CLEC2B: variants seen among roughly 807,000 people sequenced by gnomAD.
CLEC2B encodes the protein C-type lectin domain family 2 member B.
In CLEC2B, 14 loss-of-function variants were observed where a neutral mutation model predicts 16.2. The observed-to-expected ratio is 0.86, with a 90% CI of 0.57 to 1.35. The LOEUF (loss-of-function observed/expected upper bound fraction) is 1.35. Among genes scored for constraint, CLEC2B ranks in the 40% most tolerant of loss-of-function variants. CLEC2B has a pLI of 0.00. For missense variants in CLEC2B, 166 were observed against 182.3 expected (o/e 0.91, Z 0.52); for synonymous variants, 42 against 55.8 (o/e 0.75, Z 1.10).
At chr12:9,853,966 C>G (rs1322351964) in intron 4 of CLEC2B, among the ~76,000 whole-genome samples, 1 of 152,052 alleles carries the variant, frequency 6.6e-6, no homozygotes, top group Non-Finnish European at 1.5e-5. Flanking sequence ...AAGTCCAGGA[C>G]AAACTGCATA....
chr12:9,857,020 T>C (rs1274026457), intron 3 of CLEC2B: 2 of 153,756 alleles, frequency 1.3e-5, no homozygotes, highest in African/African-American at 4.8e-5. Context: ...AGGAGGAAAT[T>C]TTGATTTTCC....
rs1299599962 is a variant in CLEC2B at position 9,853,257 on chromosome 12, A to G, written c.*43T>C. 7.0e-7 allele frequency: 1 copy of G among 1,430,702 alleles called. No homozygotes were observed. The highest frequency in any genetic ancestry group is 1.7e-5 in the Admixed American group (1 of 58,888). 88.6% of individuals were successfully genotyped at this position (1,430,702 alleles called of 1,614,324 possible). A position where few individuals can be genotyped will look rare whatever the true frequency, so the allele number is the denominator to read the frequency against. ...AAAGTACTTTGCTGGTTTTACACTT[A>G]ATAATGTTATTTTCTATTTTCCCCA... On this transcript the variant is annotated 3_prime_UTR_variant, in exon 5 of 5. Transcript: ENST00000228438.
chr12:9,858,689 T>C (rs976988807), intron 2 of CLEC2B, among the ~76,000 whole-genome samples: 6 of 151,796 alleles, frequency 4.0e-5, no homozygotes, highest in Admixed American at 1.3e-4. Context: ...ACACAGTGTG[T>C]ATATATATAT....
At chr12:9,863,660 C>T (rs936298395) in intron 1 of CLEC2B, among the ~76,000 whole-genome samples, 6 of 151,566 alleles carry the variant, frequency 4.0e-5, no homozygotes, top group African/African-American at 1.5e-4. Context: ...TTTGCTGAAC[C>T]GAAAATTTTA....
intron 2 of CLEC2B, among the ~76,000 whole-genome samples, chr12:9,861,920 T>C (rs182076656): frequency 2.3e-4 from 35 of 152,242 alleles, no homozygotes; most frequent in Admixed American, 1.3e-3. Flanking sequence ...TGTGTTTCTA[T>C]GAAAAATTAA....
chr12:9,861,881 A>T (rs1215442245), intron 2 of CLEC2B, among the ~76,000 whole-genome samples: 1 of 152,146 alleles, frequency 6.6e-6, no homozygotes, highest in African/African-American at 2.4e-5. Context: ...ACACACAGCC[A>T]TGGTCAATGT....
intron 4 of CLEC2B, 123 bp from the exon 5 acceptor site, chr12:9,853,531 G>A (rs1301453523): frequency 5.6e-6 from 4 of 714,732 alleles, no homozygotes; most frequent in Non-Finnish European, 9.9e-6. Flanking sequence ...GTTCTCTCTT[G>A]CTAGTGTTGA....
rs145987833 is a variant in CLEC2B at position 9,853,672 on chromosome 12, G to T, written c.342-264C>A. ...ATAAACCAATGGTTTTCAATTAGGG[G>T]TGATTTTGCTTCCAAACCAAGGGAC... is the stretch of plus-strand genomic sequence containing the variant. On this transcript the variant is annotated intron_variant, in intron 4 of 4. Transcript: ENST00000228438. 1.0e-3 allele frequency among the ~76,000 whole-genome samples: 153 copies of T among 152,304 alleles called. No individual in the cohort carries two copies. In the East Asian group the frequency reaches 0.023, roughly 23 times the overall value.
chr12:9,865,446 C>A (rs1250825676), intron 1 of CLEC2B, among the ~76,000 whole-genome samples: 1 of 152,082 alleles, frequency 6.6e-6, no homozygotes, highest in East Asian at 1.9e-4. Context: ...CTAAAGAGGT[C>A]AATTCAGCAA....
At chr12:9,860,285 A>G (rs1056520340) in intron 2 of CLEC2B, among the ~76,000 whole-genome samples, 9 of 151,720 alleles carry the variant, frequency 5.9e-5, no homozygotes, top group Non-Finnish European at 1.3e-4. Context: ...ATGAAAATGA[A>G]TAGTTAACTA....
rs144011243 is a variant in CLEC2B, at chr12:9,864,604, G to A, written c.-2-2031C>T. Among the ~76,000 whole-genome samples, 802 of 152,210 alleles carry A rather than the reference G, an allele frequency of 5.3e-3. 9 individuals are homozygous for A. The highest frequency in any genetic ancestry group is 0.01 in the Middle Eastern group (3 of 294). On this transcript the variant is annotated intron_variant, in intron 1 of 4. Transcript: ENST00000228438. The stretch of plus-strand genomic sequence containing the variant: ...TTTTTCCTTTGTTGCTATTCTTTGT[G>A]ATATAAGTTGTTATCTCTTTAAAAT...
chr12:9,861,834 T>C, intron 2 of CLEC2B, among the ~76,000 whole-genome samples: 1 of 152,252 alleles, frequency 6.6e-6, no homozygotes, highest in Admixed American at 6.5e-5. Context: ...ACATATAAAA[T>C]TTTATAATAT....
chr12:9,858,011 CAT>C (rs1458767038), intron 2 of CLEC2B, among the ~76,000 whole-genome samples: 1 of 151,802 alleles, frequency 6.6e-6, no homozygotes, highest in African/African-American at 2.4e-5. Flanking sequence ...AATCTAAACA[CAT>C]GATTTAATCT....
Position 9,853,348 on chromosome 12 carries a change from AGCTGTT to A in CLEC2B, c.396_401del (p.Thr133_Ala134del). On this transcript the variant is annotated inframe_deletion, in exon 5 of 5. Coordinates refer to ENST00000228438, the MANE Select transcript of CLEC2B (RefSeq NM_005127.3). The stretch of plus-strand genomic sequence containing the variant: ...TCCATTTTCTTTCGGTGTAACATCT[AGCTGTT>A]GCTGCACCATCATCGCTGAGGTAGG... 1 of 1,614,112 alleles carries A rather than the reference AGCTGTT, an allele frequency of 6.2e-7. No individual in the cohort carries two copies. The highest frequency in any genetic ancestry group is 8.5e-7 in the Non-Finnish European group (1 of 1,179,986).
At position 9,854,430 on chromosome 12, in the gene CLEC2B, C is replaced by A; in HGVS notation, c.292G>T (p.Ala98Ser). ...ACCCATTGTCCTGTTCGATTTTTTG[C>A]CATCTTCAGTCCAATCCAGTGATCA... ...SSDHWIGLKM[A>S]KNRTGQWVDG... Residue 98 changes from alanine (A) to serine (S), a missense_variant, in exon 4 of 5, where the codon GCA (alanine) becomes TCA (serine). Physicochemically the swap from Ala to Ser is moderately conservative, Grantham distance 99 (BLOSUM62 1). Transcript: ENST00000228438. 6.2e-7 allele frequency: 1 copy of A among 1,613,486 alleles called. No homozygotes were observed. Among genetic ancestry groups the A allele is most frequent in the Non-Finnish European group, 8.5e-7 (1 of 1,179,568 alleles).
rs1867880773 is a variant in CLEC2B, at chr12:9,854,681, G to T, written c.238-197C>A. The T allele has an allele frequency of 1.2e-5, 6 of 520,096 alleles. No individual in the cohort carries two copies. In the East Asian group the frequency reaches 1.9e-4, roughly 17 times the overall value. 32.2% of individuals were successfully genotyped at this position (520,096 alleles called of 1,614,324 possible). On this transcript the variant is annotated intron_variant, in intron 3 of 4. Coordinates refer to ENST00000228438, the MANE Select transcript of CLEC2B (RefSeq NM_005127.3). ...TCAGTTTTTTTTGTGAAACAAATAT[G>T]TTAGATACATTTTCTTTAGATATGA...
Position 9,853,067 on chromosome 12 carries a change from A to AAGAAAGAAAGAAAG in CLEC2B, c.*219_*232dup, listed in dbSNP as rs1867858585. The AAGAAAGAAAGAAAG allele has an allele frequency of 7.4e-6, 2 of 269,682 alleles. No individual in the cohort carries two copies. The highest frequency in any genetic ancestry group is 7.5e-5 in the South Asian group (2 of 26,644). 16.7% of individuals were successfully genotyped at this position (269,682 alleles called of 1,614,324 possible). Reference sequence around the variant, plus strand: ...TGGTTTACAGTTAAAAAAAGAAAGAAAGAAAGAAAGAAAGAAAGAGAGAGA... The same window carrying AAGAAAGAAAGAAAG: ...TGGTTTACAGTTAAAAAAAGAAAGAAAGAAAGAAAGAAAGAGAAAGAAAGAAAGAAAGAGAGAGA... On this transcript the variant is annotated 3_prime_UTR_variant, in exon 5 of 5. Coordinates refer to ENST00000228438, the MANE Select transcript of CLEC2B (RefSeq NM_005127.3).
intron 1 of CLEC2B, among the ~76,000 whole-genome samples, chr12:9,868,821 A>G (rs953850781): frequency 3.9e-5 from 6 of 152,150 alleles, no homozygotes; most frequent in African/African-American, 1.4e-4. Flanking sequence ...ACACCATCCA[A>G]TAAAGCAATC....
At chr12:9,860,618 A>G (rs1347173064) in intron 2 of CLEC2B, among the ~76,000 whole-genome samples, 1 of 151,924 alleles carries the variant, frequency 6.6e-6, no homozygotes, top group East Asian at 1.9e-4. Context: ...CAGATAATTT[A>G]TATGGCAGCT....
Sources: allele counts gnomAD v4.1 joint callset (sites outside exome capture counted in the v4.1 genomes callset), GRCh38; gene constraint gnomAD v4.1.1; transcripts MANE v1.5; gene names NCBI Gene and HGNC (gene_info 2026-07-23, HGNC 2026-07-21).